The following CTNNA2 variants were observed in gnomAD, a reference collection of about 807,000 sequenced individuals.
The protein encoded by CTNNA2 is catenin alpha-2.
Under a neutral mutation model 101.0 loss-of-function variants are expected in CTNNA2, and 42 were observed. That is an observed-to-expected ratio of 0.42 (90% CI 0.32 to 0.54). CTNNA2 has a LOEUF of 0.54. Among genes scored for constraint, CTNNA2 ranks in the 20% least tolerant of loss-of-function variants. CTNNA2 has a pLI of 0.14. For synonymous variants in CTNNA2, 450 were observed against 456.4 expected, an observed-to-expected ratio of 0.99 and a Z score of 0.18; for missense variants, 871 against 1,223.1, an observed-to-expected ratio of 0.71 and a Z score of 4.29.
intron 2 of CTNNA2, among the ~76,000 whole-genome samples, chr2:79,673,759 T>C (rs1477596773): frequency 6.6e-6 from 1 of 152,344 alleles, no homozygotes. Flanking sequence ...ATTACTTCTA[T>C]GATCCTTTTT....
At chr2:79,456,325 A>G (rs1280382881) in intron 4 of CTNNA2, among the ~76,000 whole-genome samples, 3 of 151,828 alleles carry the variant, frequency 2.0e-5, no homozygotes, top group Non-Finnish European at 4.4e-5. Flanking sequence ...TAGTCCTTTG[A>G]TTTTTTCATA....
chr2:80,080,470 G>T (rs181370793), intron 7 of CTNNA2, among the ~76,000 whole-genome samples: 1 of 152,150 alleles, frequency 6.6e-6, no homozygotes, highest in Non-Finnish European at 1.5e-5. Context: ...ATCAATTCAC[G>T]GTAGATTGTA....
chr2:79,793,423 G>A (rs1206791106), intron 3 of CTNNA2, among the ~76,000 whole-genome samples: 1 of 152,146 alleles, frequency 6.6e-6, no homozygotes, highest in East Asian at 1.9e-4. Context: ...GCCACAGGAA[G>A]CTTTATCTTT....
At chr2:79,816,677 G>A (rs143097469) in intron 3 of CTNNA2, among the ~76,000 whole-genome samples, 6 of 152,264 alleles carry the variant, frequency 3.9e-5, no homozygotes, top group Non-Finnish European at 7.4e-5. Flanking sequence ...ACCACAGGTA[G>A]CTCCACACAT....
chr2:80,324,404 G>A (rs1211746087), intron 7 of CTNNA2, among the ~76,000 whole-genome samples: 2 of 151,978 alleles, frequency 1.3e-5, no homozygotes, highest in African/African-American at 2.4e-5. Context: ...ATTTGAGGTC[G>A]AGGGCTGCAA....
chr2:79,694,917 A>G (rs1684553426), intron 2 of CTNNA2, among the ~76,000 whole-genome samples: 1 of 151,892 alleles, frequency 6.6e-6, no homozygotes, highest in Admixed American at 6.6e-5. Context: ...GGCAAACTCA[A>G]GAAAAAAACA....
At chr2:79,243,003 C>CATACAT (rs1553385616) in intron 2 of CTNNA2, among the ~76,000 whole-genome samples, 1 of 134,330 alleles carries the variant, frequency 7.4e-6, no homozygotes, top group Non-Finnish European at 1.6e-5. Flanking sequence ...TACACACACA[C>CATACAT]ACACACACAC....
chr2:79,456,177 T>C (rs1670818294), intron 4 of CTNNA2, among the ~76,000 whole-genome samples: 1 of 151,004 alleles, frequency 6.6e-6, no homozygotes, highest in Non-Finnish European at 1.5e-5. Context: ...TAATTTAAAC[T>C]ATTGAATTAT....
chr2:79,982,494 C>CACACACACACAT lies in CTNNA2; in HGVS notation c.1056+72704_1056+72705insCACATACACACA, dbSNP rs1348010890. Among the ~76,000 whole-genome samples the CACACACACACAT allele has an allele frequency of 2.0e-5, 3 of 150,150 alleles. No homozygotes were observed. In the East Asian group the frequency reaches 5.9e-4, roughly 29 times the overall value. On this transcript the variant is annotated intron_variant, in intron 7 of 18. Coordinates refer to ENST00000402739, the MANE Select transcript of CTNNA2 (RefSeq NM_001282597.3). ...AACTACACACACACACACACACACA[C>CACACACACACAT]ACACACATGCACGCACACACACACA...
intron 6 of CTNNA2, among the ~76,000 whole-genome samples, chr2:79,887,220 A>C (rs1424600669): frequency 1.3e-5 from 2 of 152,186 alleles, no homozygotes; most frequent in Non-Finnish European, 2.9e-5. Flanking sequence ...AAGCGTGAGA[A>C]ATTAGGAATG....
intron 1 of CTNNA2, among the ~76,000 whole-genome samples, chr2:79,525,996 G>A (rs1422450997): frequency 6.6e-6 from 1 of 151,836 alleles, no homozygotes; most frequent in Admixed American, 6.6e-5. Flanking sequence ...TAATTTTTTT[G>A]TTTGCTGTTT....
At chr2:80,394,545 G>A (rs999511696) in intron 8 of CTNNA2, among the ~76,000 whole-genome samples, 14 of 152,160 alleles carry the variant, frequency 9.2e-5, no homozygotes, top group African/African-American at 3.4e-4. Flanking sequence ...ATATGGCCAG[G>A]TCTCTATCTC....
chr2:79,477,710 T>C (rs1478910069), intron 4 of CTNNA2, among the ~76,000 whole-genome samples: 2 of 152,244 alleles, frequency 1.3e-5, no homozygotes, highest in South Asian at 2.1e-4. Context: ...CCTTCTAGAG[T>C]TAACAAAAGC....
At chr2:80,592,696 A>C (rs1401179054) in intron 15 of CTNNA2, among the ~76,000 whole-genome samples, 1 of 142,188 alleles carries the variant, frequency 7.0e-6, no homozygotes, top group African/African-American at 2.7e-5. Flanking sequence ...TACATTTGCA[A>C]ATACCCTTTT....
intron 6 of CTNNA2, among the ~76,000 whole-genome samples, chr2:79,880,220 A>G (rs1003414253): frequency 6.6e-6 from 1 of 152,146 alleles, no homozygotes; most frequent in South Asian, 2.1e-4. Context: ...TTGGTTGGTC[A>G]GTATTTGATT....
chr2:79,905,145 A>G (rs760226362), intron 6 of CTNNA2, among the ~76,000 whole-genome samples: 2 of 152,318 alleles, frequency 1.3e-5, no homozygotes, highest in Non-Finnish European at 2.9e-5. Flanking sequence ...AAACTGTAAG[A>G]ATGAAAACAA....
chr2:80,033,675 G>A (rs771042599), intron 7 of CTNNA2, among the ~76,000 whole-genome samples: 1 of 152,234 alleles, frequency 6.6e-6, no homozygotes, highest in South Asian at 2.1e-4. Flanking sequence ...GACAATGAAT[G>A]AACAAATACC....
chr2:80,365,751 A>G (rs1674867648), intron 7 of CTNNA2, among the ~76,000 whole-genome samples: 1 of 152,182 alleles, frequency 6.6e-6, no homozygotes, highest in Non-Finnish European at 1.5e-5. Flanking sequence ...TCTGAGAGGA[A>G]ATAATGGTTT....
At chr2:79,195,557 A>T (rs1365390634) in intron 1 of CTNNA2, among the ~76,000 whole-genome samples, 1 of 152,150 alleles carries the variant, frequency 6.6e-6, no homozygotes, top group Admixed American at 6.5e-5. Flanking sequence ...AAAGAAATGT[A>T]TTTGCTGCCT....
Sources: allele counts gnomAD v4.1 joint callset (sites outside exome capture counted in the v4.1 genomes callset), GRCh38; gene constraint gnomAD v4.1.1; transcripts MANE v1.5; gene names NCBI Gene and HGNC (gene_info 2026-07-23, HGNC 2026-07-21).